Variants in CCDC178 observed in about 807,000 individuals in gnomAD.
CCDC178 encodes the protein coiled-coil domain-containing protein 178.
In CCDC178, 126 loss-of-function variants were observed where a neutral mutation model predicts 117.4. The observed-to-expected ratio is 1.07, with a 90% CI of 0.93 to 1.24. The LOEUF is 1.24. Ranked by LOEUF, CCDC178 falls within the 50% of genes most tolerant of loss-of-function variation. The pLI is 0.00. For missense variants in CCDC178, 1,030 were observed against 986.9 expected, an observed-to-expected ratio of 1.04 and a Z score of -0.59; for synonymous variants, 283 against 313.4, an observed-to-expected ratio of 0.90 and a Z score of 1.02.
chr18:33,148,422 G>A lies in CCDC178; in HGVS notation c.2239-55512C>T, dbSNP rs369550197. On this transcript the variant is annotated intron_variant, in intron 20 of 22. Coordinates refer to ENST00000383096, the MANE Select transcript of CCDC178 (RefSeq NM_001105528.4). ...ATCAGAGGGAGACCGTGGAGAGAGA[G>A]GGAGAGGGAGAGGGAGACCGTGGGG... is the stretch of plus-strand genomic sequence containing the variant. Among the ~76,000 whole-genome samples, 158 of 151,426 alleles carry A rather than the reference G, an allele frequency of 1.0e-3. 4 individuals are homozygous for A. The South Asian group carries it at 0.033, about 31-fold the overall frequency.
intron 21 of CCDC178, among the ~76,000 whole-genome samples, chr18:32,999,492 T>C (rs1420249732): frequency 1.3e-5 from 2 of 152,062 alleles, no homozygotes; most frequent in African/African-American, 4.8e-5. Flanking sequence ...TGAGCAAACA[T>C]AGGTTGCAGC....
rs117167093 is a variant in CCDC178 at position 33,122,088 on chromosome 18, A to G, written c.2239-29178T>C. 2.0e-3 allele frequency among the ~76,000 whole-genome samples: 301 copies of G among 152,290 alleles called. 4 individuals carry two copies. The East Asian group carries it at 0.038, about 19-fold the overall frequency. ...GACACAATGAACAAATCGCCTAATG[A>G]AAGATTTCTGAGAAGGAATCCCTGT... is the stretch of plus-strand genomic sequence containing the variant. On this transcript the variant is annotated intron_variant, in intron 20 of 22. Transcript: ENST00000383096.
At chr18:32,997,829 A>T (rs2055548018) in intron 21 of CCDC178, among the ~76,000 whole-genome samples, 1 of 152,140 alleles carries the variant, frequency 6.6e-6, no homozygotes, top group Non-Finnish European at 1.5e-5. Context: ...TTGTTTCATT[A>T]GCAATAATTC....
At chr18:33,415,527 G>A (rs1480164451) in intron 2 of CCDC178, among the ~76,000 whole-genome samples, 7 of 145,142 alleles carry the variant, frequency 4.8e-5, no homozygotes, top group Middle Eastern at 3.8e-3. Flanking sequence ...CAGGAAGGGG[G>A]ACATCACACA....
Position 33,348,884 on chromosome 18 carries a change from C to T in CCDC178, c.457+6G>A, listed in dbSNP as rs959114650. The T allele has an allele frequency of 1.9e-6, 3 of 1,589,464 alleles. No individual in the cohort carries two copies. The highest frequency in any genetic ancestry group is 1.3e-5 in the African/African-American group (1 of 74,466). On this transcript the variant is annotated splice_donor_region_variant and intron_variant, in intron 8 of 22. Transcript: ENST00000383096. ...ACAGTTATTCAAGTAGGAGGAACAA[C>T]TTTACCTCTCTTTTCTCCTGGTTTG...
chr18:33,120,526 T>C (rs1433979783), intron 20 of CCDC178, among the ~76,000 whole-genome samples: 2 of 152,168 alleles, frequency 1.3e-5, no homozygotes, highest in African/African-American at 4.8e-5. Flanking sequence ...ACATTAACAA[T>C]GTAATCATTG....
intron 5 of CCDC178, among the ~76,000 whole-genome samples, chr18:33,377,255 A>G (rs2063378666): frequency 6.7e-6 from 1 of 149,454 alleles, no homozygotes; most frequent in Non-Finnish European, 1.5e-5. Flanking sequence ...TTTTCTTTTG[A>G]AAAGTGTTTA....
intron 12 of CCDC178, among the ~76,000 whole-genome samples, chr18:33,275,244 C>T (rs192764458): frequency 2.6e-5 from 4 of 151,872 alleles, no homozygotes; most frequent in Admixed American, 2.0e-4. Context: ...ATTTCTATTG[C>T]TCCTAATATA....
intron 14 of CCDC178, among the ~76,000 whole-genome samples, chr18:33,261,231 C>G (rs1379125610): frequency 6.6e-6 from 1 of 152,066 alleles, no homozygotes; most frequent in Non-Finnish European, 1.5e-5. Context: ...CTACAGGCGC[C>G]CGCCACCACG....
chr18:33,121,730 T>G (rs1279001820), intron 20 of CCDC178, among the ~76,000 whole-genome samples: 1 of 152,108 alleles, frequency 6.6e-6, no homozygotes, highest in Admixed American at 6.6e-5. Context: ...CTCTCTGAAC[T>G]TCATTTATTT....
At chr18:33,009,580 T>C (rs2055820682) in intron 21 of CCDC178, among the ~76,000 whole-genome samples, 1 of 152,184 alleles carries the variant, frequency 6.6e-6, no homozygotes. Flanking sequence ...TCTCAGCTAA[T>C]ACTTCTCTTC....
In CCDC178 at chr18:33,333,352, T is replaced by C; in HGVS notation, c.701A>G (p.His234Arg). The C allele has an allele frequency of 1.2e-6, 2 of 1,611,730 alleles. No homozygotes were observed. Among genetic ancestry groups the C allele is most frequent in the East Asian group, 2.2e-5 (1 of 44,746 alleles). Reference protein sequence around the residue: ...YLSDVIELQWHLEDKANQLQH... With the variant: ...YLSDVIELQWRLEDKANQLQH... ...TAGTTGATTAGCTTTATCTTCAAGA[T>C]GCCATTGTAATTCTATAACATCACT... Residue 234 changes from histidine (H) to arginine (R), a missense_variant, in exon 10 of 23, where the codon CAT becomes CGT. His to Arg is a conservative substitution (Grantham distance 29). Transcript: ENST00000383096.
At chr18:33,151,727 C>A (rs1202259983) in intron 20 of CCDC178, among the ~76,000 whole-genome samples, 2 of 152,046 alleles carry the variant, frequency 1.3e-5, no homozygotes, top group Non-Finnish European at 2.9e-5. Flanking sequence ...AATATTAACA[C>A]CAACGACAAT....
At chr18:33,071,861 C>T (rs2057114777) in intron 21 of CCDC178, among the ~76,000 whole-genome samples, 1 of 152,026 alleles carries the variant, frequency 6.6e-6, no homozygotes, top group Non-Finnish European at 1.5e-5. Flanking sequence ...AGAGTGTGCT[C>T]ATCAACTCTC....
rs2062498222 is a variant in CCDC178 at position 33,320,821 on chromosome 18, A to C, written c.1022+2670T>G. 3.3e-5 allele frequency among the ~76,000 whole-genome samples: 5 copies of C among 152,292 alleles called. No homozygotes were observed. The East Asian group carries it at 7.7e-4, about 24-fold the overall frequency. ...AAAAGAACAAAGCTGGAGGCATCACACTACCTGACTTCAAACTATACTACA... is the reference window on the plus strand; with the variant it reads ...AAAAGAACAAAGCTGGAGGCATCACCCTACCTGACTTCAAACTATACTACA... On this transcript the variant is annotated intron_variant, in intron 11 of 22. Transcript: ENST00000383096.
At chr18:33,235,277 GA>G (rs1298102531) in intron 15 of CCDC178, among the ~76,000 whole-genome samples, 1 of 151,902 alleles carries the variant, frequency 6.6e-6, no homozygotes, top group Non-Finnish European at 1.5e-5. Flanking sequence ...TTCTAGCATT[GA>G]AAACGACCCC....
At chr18:32,987,888 A>C (rs895023086) in intron 21 of CCDC178, among the ~76,000 whole-genome samples, 118 of 150,424 alleles carry the variant, frequency 7.8e-4, no homozygotes, top group Admixed American at 2.2e-3. Flanking sequence ...GCCTGAGGCC[A>C]AGAGTTTGAG....
At chr18:33,205,659 G>A (rs1423255560) in intron 20 of CCDC178, among the ~76,000 whole-genome samples, 1 of 152,162 alleles carries the variant, frequency 6.6e-6, no homozygotes, top group African/African-American at 2.4e-5. Context: ...TATTTGCTCA[G>A]AAATTCTCTA....
In CCDC178 at chr18:32,937,828, C is replaced by T; in HGVS notation, c.*183G>A. On this transcript the variant is annotated 3_prime_UTR_variant, in exon 23 of 23. Transcript: ENST00000383096. ...TTCCTGACAGCAGCATGAAAGTCAC[C>T]TGTTTCATTGTTATGGATTTGCTGT... The T allele has an allele frequency of 1.8e-6, 1 of 562,464 alleles. No homozygotes were observed. The highest frequency in any genetic ancestry group is 2.9e-5 in the East Asian group (1 of 34,706). 34.8% of individuals were successfully genotyped at this position (562,464 alleles called of 1,614,324 possible). A position where few individuals can be genotyped will look rare whatever the true frequency, so the allele number is the denominator to read the frequency against.
Sources: allele counts gnomAD v4.1 joint callset (sites outside exome capture counted in the v4.1 genomes callset), GRCh38; gene constraint gnomAD v4.1.1; transcripts MANE v1.5; gene names NCBI Gene and HGNC (gene_info 2026-07-23, HGNC 2026-07-21).